The following CNTNAP4 variants were observed in gnomAD, a reference collection of about 807,000 sequenced individuals.
CNTNAP4 encodes contactin-associated protein-like 4.
A neutral mutation model predicts 148.4 loss-of-function variants in CNTNAP4; 98 were observed. The ratio of observed to expected loss-of-function variants is 0.66; its 90% CI spans 0.56 to 0.78. The LOEUF is 0.78. Among genes scored for constraint, CNTNAP4 ranks in the 30% least tolerant of loss-of-function variants. The pLI, the probability that CNTNAP4 is intolerant of heterozygous loss-of-function variation, is 0.00. For missense variants in CNTNAP4, 1,935 were observed against 1,565.6 expected, an observed-to-expected ratio of 1.24 and a Z score of -3.98; for synonymous variants, 730 against 565.1, an observed-to-expected ratio of 1.29 and a Z score of -4.14.
chr16:76,465,389 G>T (rs1390278375), intron 9 of CNTNAP4, among the ~76,000 whole-genome samples: 1 of 152,092 alleles, frequency 6.6e-6, no homozygotes, highest in East Asian at 1.9e-4. Context: ...ATTGAACATT[G>T]TAGCTAGGAA....
intron 3 of CNTNAP4, among the ~76,000 whole-genome samples, chr16:76,393,214 A>T (rs2078088389): frequency 6.6e-6 from 1 of 152,094 alleles, no homozygotes; most frequent in Non-Finnish European, 1.5e-5. Flanking sequence ...ATCGATGATG[A>T]TTTTACTACC....
chr16:76,398,490 A>G (rs917515107), intron 3 of CNTNAP4, among the ~76,000 whole-genome samples: 22 of 152,112 alleles, frequency 1.4e-4, no homozygotes, highest in African/African-American at 4.6e-4. Context: ...GTTGCTTTCA[A>G]TTCTCAGCCA....
intron 1 of CNTNAP4, among the ~76,000 whole-genome samples, chr16:76,300,352 C>A (rs933412805): frequency 7.2e-5 from 11 of 151,818 alleles, no homozygotes; most frequent in African/African-American, 2.4e-4. Context: ...AATGGGAGAG[C>A]TGTGCTGTTG....
intron 1 of CNTNAP4, among the ~76,000 whole-genome samples, chr16:76,288,638 A>G (rs1549662): frequency 0.31 from 47,450 of 152,084 alleles, 7,886 homozygotes; most frequent in Admixed American, 0.42. Flanking sequence ...GGATTTTTAA[A>G]AAGTTTCCTT....
intron 3 of CNTNAP4, among the ~76,000 whole-genome samples, chr16:76,423,786 A>C (rs185661375): frequency 6.6e-6 from 1 of 152,218 alleles, no homozygotes; most frequent in Admixed American, 6.5e-5. Flanking sequence ...TTGATCAGTT[A>C]ATAAATATAA....
chr16:76,482,621 G>A (rs1249810349), intron 12 of CNTNAP4, among the ~76,000 whole-genome samples: 1 of 152,106 alleles, frequency 6.6e-6, no homozygotes, highest in Non-Finnish European at 1.5e-5. Context: ...TATCTTCAAA[G>A]GTTTTTCATT....
At chr16:76,305,350 G>A (rs879913039) in intron 1 of CNTNAP4, among the ~76,000 whole-genome samples, 5 of 152,054 alleles carry the variant, frequency 3.3e-5, no homozygotes, top group African/African-American at 9.7e-5. Flanking sequence ...GAACTAGATC[G>A]TAGATTGATT....
chr16:76,293,091 T>G (rs926299855), intron 1 of CNTNAP4, among the ~76,000 whole-genome samples: 9 of 152,160 alleles, frequency 5.9e-5, no homozygotes, highest in African/African-American at 2.2e-4. Context: ...CTCTTTATAG[T>G]TATGCCTGAA....
chr16:76,286,503 G>T lies in CNTNAP4; in HGVS notation c.85+8756G>T, dbSNP rs758396060. Among the ~76,000 whole-genome samples, 4 of 152,078 alleles carry T rather than the reference G, an allele frequency of 2.6e-5. No individual in the cohort carries two copies. The East Asian group carries it at 7.7e-4, about 29-fold the overall frequency. ...AGATCTTTATTTTCTAGGACTCGGT[G>T]TAAAGACCTCAGGATCCCCAGTAGT... On this transcript the variant is annotated intron_variant, in intron 1 of 23. Coordinates refer to ENST00000611870, the MANE Select transcript of CNTNAP4 (RefSeq NM_033401.5).
intron 3 of CNTNAP4, among the ~76,000 whole-genome samples, chr16:76,370,098 C>T (rs2014623691): frequency 6.6e-6 from 1 of 152,150 alleles, no homozygotes; most frequent in South Asian, 2.1e-4. Flanking sequence ...CTCACATAAA[C>T]AATAGCTATC....
chr16:76,429,717 A>G (rs747981860), intron 4 of CNTNAP4, among the ~76,000 whole-genome samples: 12 of 151,908 alleles, frequency 7.9e-5, no homozygotes, highest in Non-Finnish European at 1.6e-4. Flanking sequence ...GCTAATGATA[A>G]CTCAAACCTC....
intron 3 of CNTNAP4, among the ~76,000 whole-genome samples, chr16:76,364,957 G>C (rs947952587): frequency 6.6e-6 from 1 of 152,028 alleles, no homozygotes; most frequent in Non-Finnish European, 1.5e-5. Context: ...CCCATGCCTA[G>C]GTCCTGAATG....
intron 17 of CNTNAP4, among the ~76,000 whole-genome samples, chr16:76,529,388 A>T (rs2083875825): frequency 6.6e-6 from 1 of 152,364 alleles, no homozygotes; most frequent in Middle Eastern, 3.4e-3. Context: ...CTGAGGACTT[A>T]GCATCCAGTC....
rs536447392 is a variant in CNTNAP4, at chr16:76,325,924, A to G, written c.196+9401A>G. Among the ~76,000 whole-genome samples the G allele has an allele frequency of 7.9e-5, 12 of 152,272 alleles. No homozygotes were observed. In the East Asian group the frequency reaches 2.3e-3, roughly 29 times the overall value. On this transcript the variant is annotated intron_variant, in intron 2 of 23. Transcript: ENST00000611870. ...AAACAAACCTGCAAAACTGCACTCA[A>G]TAAATAAAAAAAATTAAAATATTTC...
intron 3 of CNTNAP4, among the ~76,000 whole-genome samples, chr16:76,380,465 A>C (rs1296362926): frequency 6.6e-6 from 1 of 152,104 alleles, no homozygotes; most frequent in African/African-American, 2.4e-5. Flanking sequence ...GTATTGCTAT[A>C]CTTTAAAGGG....
chr16:76,382,316 A>G (rs1010833316), intron 3 of CNTNAP4, among the ~76,000 whole-genome samples: 1 of 152,124 alleles, frequency 6.6e-6, no homozygotes, highest in African/African-American at 2.4e-5. Flanking sequence ...GCATAAATAC[A>G]TAGAAAGGAA....
intron 3 of CNTNAP4, among the ~76,000 whole-genome samples, chr16:76,359,831 T>C (rs2013183483): frequency 6.6e-6 from 1 of 152,186 alleles, no homozygotes; most frequent in South Asian, 2.1e-4. Flanking sequence ...ATTGAAAAAG[T>C]AAACATAAGG....
At chr16:76,452,471 A>C in intron 7 of CNTNAP4, 37 bp from the exon 8 acceptor site, 1 of 1,607,454 alleles carries the variant, frequency 6.2e-7, no homozygotes, top group African/African-American at 1.3e-5. Flanking sequence ...TGATGTGAAT[A>C]ACATTCTGAA....
rs1366816134 is a variant in CNTNAP4 at position 76,558,773 on chromosome 16, G to T, written c.*90G>T. The T allele has an allele frequency of 6.1e-6, 6 of 985,192 alleles. No individual in the cohort carries two copies. The East Asian group carries it at 1.6e-4, about 26-fold the overall frequency. 61.0% of individuals were successfully genotyped at this position (985,192 alleles called of 1,614,324 possible). A position where few individuals can be genotyped will look rare whatever the true frequency, so the allele number is the denominator to read the frequency against. On this transcript the variant is annotated 3_prime_UTR_variant, in exon 24 of 24. Coordinates refer to ENST00000611870, the MANE Select transcript of CNTNAP4 (RefSeq NM_033401.5). Reference sequence around the variant, plus strand: ...AAAAACGAATGCTCTTACACTGAATGTACAGGCAGTGGGCTTGCAGCACTG... The same window carrying T: ...AAAAACGAATGCTCTTACACTGAATTTACAGGCAGTGGGCTTGCAGCACTG...
Sources: gnomAD v4.1 joint callset for allele counts (sites outside exome capture counted in the v4.1 genomes callset) on GRCh38, gnomAD v4.1.1 for gene constraint, MANE v1.5 for transcripts, NCBI Gene and HGNC (gene_info 2026-07-23, HGNC 2026-07-21) for gene names.